TCFL5: variants seen among roughly 807,000 people sequenced by gnomAD.
The protein encoded by TCFL5 is transcription factor-like 5 protein.
TCFL5 carries 9 observed loss-of-function variants against 44.3 expected under a neutral mutation model. The observed-to-expected ratio is 0.20, with a 90% CI of 0.12 to 0.35. TCFL5 has a LOEUF of 0.35. TCFL5 is among the 10% of genes least tolerant of loss of function. The pLI, the probability that TCFL5 is intolerant of heterozygous loss-of-function variation, is 1.00. For missense variants in TCFL5, 603 were observed against 613.4 expected, an observed-to-expected ratio of 0.98 and a Z score of 0.18; for synonymous variants, 319 against 271.6, an observed-to-expected ratio of 1.17 and a Z score of -1.72.
intron 5 of TCFL5, among the ~76,000 whole-genome samples, chr20:62,848,083 A>G (rs900949057): frequency 9.2e-5 from 14 of 152,202 alleles, no homozygotes; most frequent in Non-Finnish European, 2.1e-4. Context: ...TGTCCGCAGG[A>G]AAGGAGGAGA....
In TCFL5 at chr20:62,842,478, C is replaced by T. The variant is rs1162668704; in HGVS notation, c.1381-381G>A. ...GTAGAGTGTATATATTAAAACGTTT[C>T]AGGCCGGGCGTGGCGGCTCACGCCT... On this transcript the variant is annotated intron_variant, in intron 5 of 5. Coordinates refer to ENST00000335351, the MANE Select transcript of TCFL5 (RefSeq NM_006602.4). This position sits in a 1 kb window ranked among gnomAD's most constrained non-coding sequence, Gnocchi z 4.3. Among the ~76,000 whole-genome samples the T allele has an allele frequency of 6.6e-6, 1 of 152,200 alleles. No individual in the cohort carries two copies. The highest frequency in any genetic ancestry group is 1.5e-5 in the Non-Finnish European group (1 of 68,036).
In TCFL5 at chr20:62,841,720, TTAC is replaced by T. The variant is rs1210792796; in HGVS notation, c.*252_*254del. 3 of 286,684 alleles carry T rather than the reference TTAC, an allele frequency of 1.0e-5. No individual in the cohort carries two copies. Among genetic ancestry groups the T allele is most frequent in the African/African-American group, 4.4e-5 (2 of 45,700 alleles). The allele number at this position is 286,684 out of a possible 1,614,324, so 17.8% of individuals were successfully genotyped here. On this transcript the variant is annotated 3_prime_UTR_variant, in exon 6 of 6. Transcript: ENST00000335351. ...GCATTGAGAAAATGCTTACTAATTA[TTAC>T]TAATTAATTATTACTAATTATTAAG...
At chr20:62,852,218 C>T in intron 5 of TCFL5, 1 of 985,464 alleles carries the variant, frequency 1.0e-6, no homozygotes, top group Non-Finnish European at 1.2e-6. Flanking sequence ...GGACCAGGTA[C>T]AAAGTCAGGA....
intron 5 of TCFL5, chr20:62,852,181 T>A: frequency 4.1e-6 from 4 of 985,406 alleles, no homozygotes; most frequent in Non-Finnish European, 4.8e-6. Flanking sequence ...CCTGCCTGGG[T>A]CAACAGCAGC....
Position 62,859,512 on chromosome 20 carries a change from T to C in TCFL5, c.846A>G (p.Ser282=). Residue 282 remains serine, a synonymous_variant, in exon 3 of 6, where the codon TCA becomes TCG. Coordinates refer to ENST00000335351, the MANE Select transcript of TCFL5 (RefSeq NM_006602.4). ...NLSQTQSSSN[S]CSVLEAAKHQ... ...GCTTGGCAGCTTCAAGTACAGAACA[T>C]GAGTTACTAGAACTCTGGAAAAAAA... 6.2e-7 allele frequency: 1 copy of C among 1,611,076 alleles called. No individual in the cohort carries two copies.
intron 5 of TCFL5, among the ~76,000 whole-genome samples, chr20:62,850,408 T>C (rs1359607879): frequency 1.3e-5 from 2 of 151,512 alleles, no homozygotes; most frequent in African/African-American, 2.4e-5. Flanking sequence ...TCTCTGAGTC[T>C]TCCCTCTCAG....
Position 62,861,034 on chromosome 20 carries a change from C to A in TCFL5, c.637G>T (p.Ala213Ser). 1.0e-6 allele frequency: 1 copy of A among 994,556 alleles called. No homozygotes were observed. The highest frequency in any genetic ancestry group is 1.2e-6 in the Non-Finnish European group (1 of 837,186). 61.6% of individuals were successfully genotyped at this position (994,556 alleles called of 1,614,324 possible). A position where few individuals can be genotyped will look rare whatever the true frequency, so the allele number is the denominator to read the frequency against. ...RGPEPPEPGGALNNLVTLIRH... is the reference protein window; with the variant it reads ...RGPEPPEPGGSLNNLVTLIRH... The stretch of plus-strand genomic sequence containing the variant: ...CCGCCGGGCACGCACTTGTTGAGCG[C>A]CCCGCCCGGCTCGGGGGGCTCGGGG... The change falls in exon 1 of 6, where the codon GCG (alanine) becomes TCG (serine). Residue 213 changes from alanine to serine, a missense_variant. By Grantham distance (99) the Ala-to-Ser change is moderately conservative. Coordinates refer to ENST00000335351, the MANE Select transcript of TCFL5 (RefSeq NM_006602.4). The surrounding 1 kb of genome is among the most constrained non-coding windows in gnomAD (Gnocchi z 4.0).
At position 62,841,049 on chromosome 20, in the gene TCFL5, A is replaced by G. The variant is rs888003608; in HGVS notation, c.*926T>C. The G allele has an allele frequency of 6.0e-5, 21 of 350,050 alleles. No individual in the cohort carries two copies. The highest frequency in any genetic ancestry group is 1.0e-4 in the Non-Finnish European group (19 of 185,194). 21.7% of individuals were successfully genotyped at this position (350,050 alleles called of 1,614,324 possible). On this transcript the variant is annotated 3_prime_UTR_variant, in exon 6 of 6. Coordinates refer to ENST00000335351, the MANE Select transcript of TCFL5 (RefSeq NM_006602.4). ...TAACTTGTTTACATAGCATTTGTGT[A>G]AAGACTATGATCTCATCCCAATAAA...
At chr20:62,853,926 A>T in intron 5 of TCFL5, 90 bp downstream of exon 5, 1 of 1,396,406 alleles carries the variant, frequency 7.2e-7, no homozygotes, top group Admixed American at 1.9e-5. Context: ...CAGGAAACAA[A>T]GGATAGTTTG....
At position 62,861,063 on chromosome 20, in the gene TCFL5, C is replaced by CGCG; in HGVS notation, c.605_607dup (p.Pro202dup). The CGCG allele has an allele frequency of 1.0e-6, 1 of 996,128 alleles. No individual in the cohort carries two copies. The highest frequency in any genetic ancestry group is 1.2e-6 in the Non-Finnish European group (1 of 838,644). The allele number at this position is 996,128 out of a possible 1,614,324, so 61.7% of individuals were successfully genotyped here. On this transcript the variant is annotated inframe_insertion, in exon 1 of 6. Coordinates refer to ENST00000335351, the MANE Select transcript of TCFL5 (RefSeq NM_006602.4). The surrounding 1 kb of genome is among the most constrained non-coding windows in gnomAD (Gnocchi z 4.0). ...GCCCGGCTCGGGGGGCTCGGGGCCG[C>CGCG]GCGGCGCGGGCGGCGGCTCGGCGGG...
intron 5 of TCFL5, chr20:62,852,096 C>A: frequency 1.0e-6 from 1 of 985,438 alleles, no homozygotes; most frequent in Non-Finnish European, 1.2e-6. Context: ...TGAGTCACTG[C>A]GCCAGGCCTG....
rs760646699 is a variant in TCFL5, at chr20:62,860,162, C to T, written c.794G>A (p.Cys265Tyr). 6.2e-6 allele frequency: 10 copies of T among 1,612,754 alleles called. No individual in the cohort carries two copies. In the East Asian group the frequency reaches 2.0e-4, roughly 32 times the overall value. Residue 265 changes from cysteine (C) to tyrosine (Y), a missense_variant, in exon 2 of 6, where the codon TGC becomes TAC. By Grantham distance (194) the Cys-to-Tyr change is radical. Around this residue, in one of 4 missense-constraint regions of TCFL5, gnomAD observed 540 missense variants for 478.7 expected, o/e 1.13. Coordinates refer to ENST00000335351, the MANE Select transcript of TCFL5 (RefSeq NM_006602.4). ...AAGATTAGAATTTCCACTAGTAGAGCAAGCATTTGTAGTAAACAGTGGGTA... is the reference window on the plus strand; with the variant it reads ...AAGATTAGAATTTCCACTAGTAGAGTAAGCATTTGTAGTAAACAGTGGGTA... ...FTYPLFTTNA[C>Y]STSGNSNLSQ... is the part of the protein sequence containing the mutation.
chr20:62,854,731 T>C (rs1309803179), intron 4 of TCFL5, among the ~76,000 whole-genome samples: 1 of 152,246 alleles, frequency 6.6e-6, no homozygotes, highest in Non-Finnish European at 1.5e-5. Flanking sequence ...TATTAGACTA[T>C]TTTTTAAACT....
At chr20:62,857,118 C>T (rs2063905245) in intron 4 of TCFL5, among the ~76,000 whole-genome samples, 1 of 152,206 alleles carries the variant, frequency 6.6e-6, no homozygotes, top group African/African-American at 2.4e-5. Context: ...CTGCCTTCTC[C>T]CCACGCGCCT....
In TCFL5 at chr20:62,861,394, C is replaced by T. The variant is rs1015886015; in HGVS notation, c.277G>A (p.Gly93Ser). The change falls in exon 1 of 6, where the codon GGC becomes AGC. Residue 93 changes from glycine to serine, a missense_variant. Gly to Ser is a moderately conservative substitution (Grantham distance 56, BLOSUM62 0). This residue lies in a region of TCFL5 where 540 missense variants were observed against 478.7 expected (regional missense o/e 1.13). Coordinates refer to ENST00000335351, the MANE Select transcript of TCFL5 (RefSeq NM_006602.4). The surrounding 1 kb of genome is among the most constrained non-coding windows in gnomAD (Gnocchi z 4.0). ...AAAGPGAGAG[G>S]FAAGGQGGAA... ...CCCCCCTGACCGCCCGCCGCGAAGC[C>T]GCCCGCGCCTGCGCCCGGGCCCGCC... is the stretch of plus-strand genomic sequence containing the variant. The T allele has an allele frequency of 4.0e-5, 43 of 1,081,146 alleles. No individual in the cohort carries two copies. The African/African-American group carries it at 7.0e-4, about 18-fold the overall frequency. 67.0% of individuals were successfully genotyped at this position (1,081,146 alleles called of 1,614,324 possible). A position where few individuals can be genotyped will look rare whatever the true frequency, so the allele number is the denominator to read the frequency against.
chr20:62,849,987 T>TA (rs1000709368), intron 5 of TCFL5, among the ~76,000 whole-genome samples: 3 of 151,832 alleles, frequency 2.0e-5, no homozygotes, highest in Non-Finnish European at 4.4e-5. Context: ...AACATTAAAA[T>TA]AAAAAAATTA....
At chr20:62,848,857 GA>G (rs1400142919) in intron 5 of TCFL5, among the ~76,000 whole-genome samples, 1 of 152,160 alleles carries the variant, frequency 6.6e-6, no homozygotes, top group East Asian at 1.9e-4. Flanking sequence ...CCAACATGGT[GA>G]AACCCTGTCT....
intron 3 of TCFL5, among the ~76,000 whole-genome samples, 167 bp downstream of exon 3, chr20:62,859,195 GAA>G (rs1049773084): frequency 1.3e-5 from 2 of 152,158 alleles, no homozygotes; most frequent in African/African-American, 4.8e-5. Flanking sequence ...TGTTTAAAGC[GAA>G]AAGACAGGGA....
chr20:62,844,949 A>G, intron 5 of TCFL5: 1 of 985,140 alleles, frequency 1.0e-6, no homozygotes, highest in Non-Finnish European at 1.2e-6. Flanking sequence ...ATTCAAGTCC[A>G]GGAGGACACA....
Sources: gnomAD v4.1 joint callset for allele counts (sites outside exome capture counted in the v4.1 genomes callset) on GRCh38, gnomAD v4.1.1 for gene constraint, gnomAD v4.1.1 regional missense constraint, Gnocchi (gnomAD v3.1) non-coding constraint, MANE v1.5 for transcripts, NCBI Gene and HGNC (gene_info 2026-07-23, HGNC 2026-07-21) for gene names.